The following ZHX3 variants were observed in gnomAD, a reference collection of about 807,000 sequenced individuals.
The protein encoded by ZHX3 is zinc fingers and homeoboxes protein 3.
A neutral mutation model predicts 64.5 loss-of-function variants in ZHX3; 20 were observed. The ratio of observed to expected loss-of-function variants is 0.31; its 90% confidence interval spans 0.22 to 0.45. The LOEUF is 0.45. Among genes scored for constraint, ZHX3 ranks in the 20% least tolerant of loss-of-function variants. The pLI is 1.00. For synonymous variants in ZHX3, 423 were observed against 461.6 expected (o/e 0.92, Z 1.07); for missense variants, 1,041 against 1,195.8 (o/e 0.87, Z 1.91).
intron 3 of ZHX3, among the ~76,000 whole-genome samples, chr20:41,194,796 A>T (rs2037347423): frequency 6.6e-6 from 1 of 152,172 alleles, no homozygotes; most frequent in Non-Finnish European, 1.5e-5. Context: ...GCGGGTTTCT[A>T]GGAATTTCAT....
intron 2 of ZHX3, among the ~76,000 whole-genome samples, chr20:41,239,115 G>C (rs1028570357): frequency 2.8e-5 from 4 of 144,434 alleles, no homozygotes; most frequent in African/African-American, 1.0e-4. Context: ...CCATTCTCCT[G>C]CCTCAGCCTC....
chr20:41,191,682 A>G (rs2037032967), intron 3 of ZHX3, among the ~76,000 whole-genome samples: 3 of 152,292 alleles, frequency 2.0e-5, no homozygotes, highest in East Asian at 1.9e-4. Flanking sequence ...AGACGTATCT[A>G]TGGTGTTGTT....
Position 41,201,626 on chromosome 20 carries a change from C to T in ZHX3, c.2860+431G>A, listed in dbSNP as rs990580244. On this transcript the variant is annotated intron_variant, in intron 3 of 3. Transcript: ENST00000683867. The surrounding 1 kb of genome is among the most constrained non-coding windows in gnomAD (Gnocchi z 5.0). ...AGACTTTCATCATCAGAAAAAAGCA[C>T]ATTATGTATCTAAGGACAATTAAAG... Among the ~76,000 whole-genome samples the T allele has an allele frequency of 3.5e-4, 54 of 152,150 alleles. No individual in the cohort carries two copies. The highest frequency in any genetic ancestry group is 1.3e-3 in the African/African-American group (53 of 41,430).
chr20:41,291,656 G>T lies in ZHX3; in HGVS notation c.-244-22573C>A, dbSNP rs141057741. ...ATACACACATACATGTATGACACACGTGTTTGTGTATGCATATGTATACAC... is the reference window on the plus strand; with the variant it reads ...ATACACACATACATGTATGACACACTTGTTTGTGTATGCATATGTATACAC... On this transcript the variant is annotated intron_variant, in intron 1 of 3. Coordinates refer to ENST00000683867, the MANE Select transcript of ZHX3 (RefSeq NM_001384317.1). Among the ~76,000 whole-genome samples the T allele has an allele frequency of 4.0e-3, 606 of 151,806 alleles. 9 individuals are homozygous for T. Among genetic ancestry groups the T allele is most frequent in the Non-Finnish European group, 6.2e-3 (420 of 67,986 alleles).
chr20:41,290,939 A>G (rs1466318948), intron 1 of ZHX3, among the ~76,000 whole-genome samples: 1 of 152,208 alleles, frequency 6.6e-6, no homozygotes, highest in African/African-American at 2.4e-5. Flanking sequence ...TTGGGACAAT[A>G]AACAGTGACC....
rs1045963838 is a variant in ZHX3 at position 41,201,366 on chromosome 20, G to A, written c.2860+691C>T. ...GGTAAGGAGGGAAGGGAGAGGCTGGGAACTCAGTGACCAGGAACCTAGAAA... is the reference window on the plus strand; with the variant it reads ...GGTAAGGAGGGAAGGGAGAGGCTGGAAACTCAGTGACCAGGAACCTAGAAA... On this transcript the variant is annotated intron_variant, in intron 3 of 3. Coordinates refer to ENST00000683867, the MANE Select transcript of ZHX3 (RefSeq NM_001384317.1). The surrounding 1 kb of genome is among the most constrained non-coding windows in gnomAD (Gnocchi z 5.0). 2.1e-5 allele frequency: 27 copies of A among 1,304,718 alleles called. No homozygotes were observed. Among genetic ancestry groups the A allele is most frequent in the Non-Finnish European group, 2.4e-5 (24 of 989,070 alleles). 80.8% of individuals were successfully genotyped at this position (1,304,718 alleles called of 1,614,324 possible). A position where few individuals can be genotyped will look rare whatever the true frequency, so the allele number is the denominator to read the frequency against.
chr20:41,274,913 T>G (rs1412939860), intron 1 of ZHX3, among the ~76,000 whole-genome samples: 1 of 152,122 alleles, frequency 6.6e-6, no homozygotes, highest in Non-Finnish European at 1.5e-5. Flanking sequence ...TCCCAGCACT[T>G]TGGGAGGCCA....
At chr20:41,235,719 A>G (rs368539229) in intron 2 of ZHX3, among the ~76,000 whole-genome samples, 17 of 152,306 alleles carry the variant, frequency 1.1e-4, no homozygotes, top group African/African-American at 3.1e-4. Flanking sequence ...ACAAGACAGG[A>G]ATGCCCTCTC....
At position 41,298,366 on chromosome 20, in the gene ZHX3, A is replaced by C. The variant is rs541061978; in HGVS notation, c.-245+19143T>G. Among the ~76,000 whole-genome samples the C allele has an allele frequency of 3.9e-5, 6 of 152,322 alleles. No homozygotes were observed. The South Asian group carries it at 1.2e-3, about 32-fold the overall frequency. ...TGATACATGTAGCAGTCCTTAGCACAGTGAGTGACATGCTATGAGGGCTCA... is the reference window on the plus strand; with the variant it reads ...TGATACATGTAGCAGTCCTTAGCACCGTGAGTGACATGCTATGAGGGCTCA... On this transcript the variant is annotated intron_variant, in intron 1 of 3. Coordinates refer to ENST00000683867, the MANE Select transcript of ZHX3 (RefSeq NM_001384317.1).
chr20:41,182,709 T>C lies in ZHX3; in HGVS notation c.*2482A>G, dbSNP rs2036291479. On this transcript the variant is annotated 3_prime_UTR_variant, in exon 4 of 4. Coordinates refer to ENST00000683867, the MANE Select transcript of ZHX3 (RefSeq NM_001384317.1). The surrounding 1 kb of genome is among the most constrained non-coding windows in gnomAD (Gnocchi z 6.1). ...GACTGCTGGGCTCCTTACATGGGCA[T>C]TCTTGCCTTTTGTAGTGTAGCCCTG... The C allele has an allele frequency of 6.6e-6, 1 of 152,290 alleles. No homozygotes were observed. Among genetic ancestry groups the C allele is most frequent in the Non-Finnish European group, 1.5e-5 (1 of 68,068 alleles). 9.4% of individuals were successfully genotyped at this position (152,290 alleles called of 1,614,324 possible). A position where few individuals can be genotyped will look rare whatever the true frequency, so the allele number is the denominator to read the frequency against.
chr20:41,285,189 T>C (rs1317815651), intron 1 of ZHX3, among the ~76,000 whole-genome samples: 1 of 152,140 alleles, frequency 6.6e-6, no homozygotes, highest in Non-Finnish European at 1.5e-5. Context: ...CTCACTAAAC[T>C]GTAAATTACT....
In ZHX3 at chr20:41,212,387, A is replaced by G. The variant is rs906151186; in HGVS notation, c.-150-7321T>C. Among the ~76,000 whole-genome samples the G allele has an allele frequency of 6.6e-6, 1 of 152,226 alleles. No homozygotes were observed. Among genetic ancestry groups the G allele is most frequent in the Non-Finnish European group, 1.5e-5 (1 of 68,040 alleles). Reference sequence around the variant, plus strand: ...AATTACAGCGACAGATAACAAGTATAGATGAGGATGCAGAGAAACTGGAGC... The same window carrying G: ...AATTACAGCGACAGATAACAAGTATGGATGAGGATGCAGAGAAACTGGAGC... On this transcript the variant is annotated intron_variant, in intron 2 of 3. Coordinates refer to ENST00000683867, the MANE Select transcript of ZHX3 (RefSeq NM_001384317.1). The surrounding 1 kb of genome is among the most constrained non-coding windows in gnomAD (Gnocchi z 4.3).
At chr20:41,274,370 A>G (rs1249075020) in intron 1 of ZHX3, among the ~76,000 whole-genome samples, 1 of 152,224 alleles carries the variant, frequency 6.6e-6, no homozygotes, top group Non-Finnish European at 1.5e-5. Flanking sequence ...AAATCCCCCC[A>G]AATTGATTAT....
At chr20:41,198,589 G>T (rs368925485) in intron 3 of ZHX3, among the ~76,000 whole-genome samples, 3 of 150,956 alleles carry the variant, frequency 2.0e-5, no homozygotes, top group Non-Finnish European at 4.4e-5. Flanking sequence ...CAAAAATTCT[G>T]TGTGACGAGT....
At chr20:41,231,217 A>T (rs979622979) in intron 2 of ZHX3, among the ~76,000 whole-genome samples, 18 of 152,250 alleles carry the variant, frequency 1.2e-4, no homozygotes, top group South Asian at 8.3e-4. Context: ...TTGATTTTTT[A>T]AAAATGTGGC....
chr20:41,293,043 G>C (rs2044328606), intron 1 of ZHX3, among the ~76,000 whole-genome samples: 1 of 152,156 alleles, frequency 6.6e-6, no homozygotes, highest in Admixed American at 6.5e-5. Context: ...TTTGATTATA[G>C]GGTGTCAAAT....
chr20:41,292,321 C>T (rs1333091124), intron 1 of ZHX3, among the ~76,000 whole-genome samples: 1 of 152,194 alleles, frequency 6.6e-6, no homozygotes, highest in East Asian at 1.9e-4. Context: ...CAGAACTGTC[C>T]TGTCCCACTG....
intron 1 of ZHX3, among the ~76,000 whole-genome samples, chr20:41,273,031 T>C (rs1232662558): frequency 1.3e-5 from 2 of 149,664 alleles, no homozygotes; most frequent in Admixed American, 6.6e-5. Flanking sequence ...TTCTCATCAA[T>C]GCTTGTAATT....
intron 2 of ZHX3, among the ~76,000 whole-genome samples, chr20:41,205,862 G>C (rs2146253509): frequency 6.6e-6 from 1 of 152,288 alleles, no homozygotes; most frequent in Admixed American, 6.5e-5. Context: ...GTGGGTCCCT[G>C]ACCCCTGAGT....
Sources: gnomAD v4.1 joint callset for allele counts (sites outside exome capture counted in the v4.1 genomes callset) on GRCh38, gnomAD v4.1.1 for gene constraint, Gnocchi (gnomAD v3.1) non-coding constraint, MANE v1.5 for transcripts, NCBI Gene and HGNC (gene_info 2026-07-23, HGNC 2026-07-21) for gene names.